Variants in APBA1 observed in about 807,000 individuals in gnomAD.
APBA1 encodes amyloid beta precursor protein binding family A member 1, also known as amyloid-beta A4 precursor protein-binding family A member 1.
APBA1 carries 55 observed loss-of-function variants against 86.6 expected under a neutral mutation model. The ratio of observed to expected loss-of-function variants is 0.64; its 90% confidence interval spans 0.51 to 0.80. The LOEUF is 0.80. Ranked by LOEUF, APBA1 falls within the 30% of genes least tolerant of loss-of-function variation. The pLI, the probability that APBA1 is intolerant of heterozygous loss-of-function variation, is 0.00. For synonymous variants in APBA1, 511 were observed against 493.9 expected, an observed-to-expected ratio of 1.03 and a Z score of -0.46; for missense variants, 1,090 against 1,183.0, an observed-to-expected ratio of 0.92 and a Z score of 1.15.
At chr9:69,452,810 A>G (rs541522160) in intron 8 of APBA1, among the ~76,000 whole-genome samples, 194 of 152,252 alleles carry the variant, frequency 1.3e-3, no homozygotes, top group Admixed American at 1.6e-3. Context: ...GTACTTCACC[A>G]GGAGGAAACT....
At position 69,474,045 on chromosome 9, in the gene APBA1, T is replaced by G. The variant is rs193119829; in HGVS notation, c.1296+2003A>C. On this transcript the variant is annotated intron_variant, in intron 3 of 12. Coordinates refer to ENST00000265381, the MANE Select transcript of APBA1 (RefSeq NM_001163.4). The stretch of plus-strand genomic sequence containing the variant: ...TGTCTGGTTAGCCCTTTATTTCACA[T>G]GTGGACTGAGATGAACATCAGTTGA... Among the ~76,000 whole-genome samples the G allele has an allele frequency of 6.6e-5, 10 of 152,290 alleles. No homozygotes were observed. In the East Asian group the frequency reaches 1.9e-3, roughly 29 times the overall value.
At chr9:69,662,130 T>C (rs1271224703) in intron 1 of APBA1, among the ~76,000 whole-genome samples, 1 of 151,894 alleles carries the variant, frequency 6.6e-6, no homozygotes, top group Non-Finnish European at 1.5e-5. Flanking sequence ...AAGCTACTGC[T>C]GGGCCCAGAG....
At chr9:69,436,887 A>C (rs895146515) in intron 11 of APBA1, among the ~76,000 whole-genome samples, 4 of 151,774 alleles carry the variant, frequency 2.6e-5, no homozygotes, top group African/African-American at 9.7e-5. Context: ...GTTTTTGTCC[A>C]TTCGGTATGA....
chr9:69,593,362 T>C (rs147087457), intron 1 of APBA1, among the ~76,000 whole-genome samples: 2 of 152,346 alleles, frequency 1.3e-5, no homozygotes, highest in African/African-American at 4.8e-5. Context: ...GCATATATGA[T>C]ACGGGGTTGC....
chr9:69,651,665 G>A (rs1000078463), intron 1 of APBA1, among the ~76,000 whole-genome samples: 3 of 152,078 alleles, frequency 2.0e-5, no homozygotes, highest in African/African-American at 4.8e-5. Context: ...TAGTAGAGAC[G>A]GGGTTTCGCC....
intron 1 of APBA1, among the ~76,000 whole-genome samples, chr9:69,588,765 T>C (rs1033954996): frequency 6.6e-6 from 1 of 152,180 alleles, no homozygotes; most frequent in East Asian, 1.9e-4. Context: ...GAGCTTTACA[T>C]AGATTATCTC....
intron 1 of APBA1, among the ~76,000 whole-genome samples, chr9:69,541,741 T>G (rs1220620448): frequency 6.6e-6 from 1 of 152,064 alleles, no homozygotes; most frequent in Non-Finnish European, 1.5e-5. Flanking sequence ...GAGAGAAACA[T>G]TTGACAGCAA....
At chr9:69,615,777 T>C (rs533999694) in intron 1 of APBA1, among the ~76,000 whole-genome samples, 4 of 152,344 alleles carry the variant, frequency 2.6e-5, no homozygotes, top group South Asian at 2.1e-4. Flanking sequence ...AACTCTTCCA[T>C]AGAATTATTA....
At chr9:69,618,886 G>A (rs1170743977) in intron 1 of APBA1, among the ~76,000 whole-genome samples, 1 of 152,144 alleles carries the variant, frequency 6.6e-6, no homozygotes, top group Non-Finnish European at 1.5e-5. Flanking sequence ...TACTAGCTGG[G>A]GTATCTTAGG....
chr9:69,588,186 A>G (rs1312602272), intron 1 of APBA1, among the ~76,000 whole-genome samples: 1 of 152,174 alleles, frequency 6.6e-6, no homozygotes, highest in Non-Finnish European at 1.5e-5. Context: ...GGAGAAAGAA[A>G]GAACGTTCCC....
At chr9:69,583,109 C>T (rs1363723087) in intron 1 of APBA1, among the ~76,000 whole-genome samples, 1 of 152,124 alleles carries the variant, frequency 6.6e-6, no homozygotes, top group Non-Finnish European at 1.5e-5. Context: ...GTGGAACAGG[C>T]GCAGTACAGG....
At chr9:69,528,398 A>G (rs1187591403) in intron 1 of APBA1, among the ~76,000 whole-genome samples, 2 of 152,090 alleles carry the variant, frequency 1.3e-5, no homozygotes, top group Non-Finnish European at 2.9e-5. Context: ...TCATTCATTT[A>G]TCATTCTGAT....
intron 1 of APBA1, among the ~76,000 whole-genome samples, chr9:69,625,726 T>C (rs1432259780): frequency 6.6e-6 from 1 of 152,204 alleles, no homozygotes; most frequent in Non-Finnish European, 1.5e-5. Context: ...ATATTAAGCA[T>C]ATTATTAGAA....
chr9:69,579,251 G>T (rs894608891), intron 1 of APBA1, among the ~76,000 whole-genome samples: 5 of 152,068 alleles, frequency 3.3e-5, no homozygotes, highest in African/African-American at 1.2e-4. Context: ...AGCCACATGA[G>T]GAATGCCCCT....
At chr9:69,576,784 C>G (rs914656136) in intron 1 of APBA1, among the ~76,000 whole-genome samples, 2 of 152,050 alleles carry the variant, frequency 1.3e-5, no homozygotes, top group Non-Finnish European at 1.5e-5. Context: ...TGCAGCACAC[C>G]AACATGGCAC....
chr9:69,435,724 T>G (rs1834697942), intron 11 of APBA1, among the ~76,000 whole-genome samples: 1 of 152,248 alleles, frequency 6.6e-6, no homozygotes, highest in Admixed American at 6.5e-5. Flanking sequence ...GTAAAAATTT[T>G]CTCCCTTTCT....
At chr9:69,641,048 T>A (rs1823278010) in intron 1 of APBA1, among the ~76,000 whole-genome samples, 1 of 150,764 alleles carries the variant, frequency 6.6e-6, no homozygotes, top group African/African-American at 2.5e-5. Flanking sequence ...GCAGATGACA[T>A]AATCTATGTA....
At chr9:69,658,089 T>C (rs1448929817) in intron 1 of APBA1, among the ~76,000 whole-genome samples, 3 of 152,182 alleles carry the variant, frequency 2.0e-5, no homozygotes, top group Non-Finnish European at 4.4e-5. Flanking sequence ...CATGTATCAC[T>C]AGGAGCCAGC....
At chr9:69,490,523 C>A (rs1249336406) in intron 2 of APBA1, among the ~76,000 whole-genome samples, 7 of 151,676 alleles carry the variant, frequency 4.6e-5, no homozygotes, top group African/African-American at 1.7e-4. Flanking sequence ...CTAGGCAATA[C>A]CATTCAGGAC....
Sources: gnomAD v4.1 joint callset for allele counts (sites outside exome capture counted in the v4.1 genomes callset) on GRCh38, gnomAD v4.1.1 for gene constraint, MANE v1.5 for transcripts, NCBI Gene and HGNC (gene_info 2026-07-23, HGNC 2026-07-21) for gene names.